The following DCAF12 variants were observed in gnomAD, a reference collection of about 807,000 sequenced individuals.
The protein encoded by DCAF12 is DDB1 and CUL4 associated factor 12, also known as DDB1- and CUL4-associated factor 12.
In DCAF12, 28 loss-of-function variants were observed where a neutral mutation model predicts 52.8. The ratio of observed to expected loss-of-function variants is 0.53; its 90% CI spans 0.39 to 0.73. The LOEUF is 0.73. DCAF12 is among the 30% of genes least tolerant of loss of function. The pLI is 0.00. For synonymous variants in DCAF12, 196 were observed against 215.5 expected, an observed-to-expected ratio of 0.91 and a Z score of 0.79; for missense variants, 425 against 552.2, an observed-to-expected ratio of 0.77 and a Z score of 2.31.
At chr9:34,118,662 G>C (rs1413242462) in intron 2 of DCAF12, among the ~76,000 whole-genome samples, 3 of 152,232 alleles carry the variant, frequency 2.0e-5, no homozygotes, top group East Asian at 1.9e-4. Context: ...CTTAACAATA[G>C]TGTTAAATAA....
chr9:34,091,786 T>C (rs976882106), intron 7 of DCAF12, among the ~76,000 whole-genome samples: 1 of 151,908 alleles, frequency 6.6e-6, no homozygotes, highest in South Asian at 2.1e-4. Flanking sequence ...AACACAGCCA[T>C]ATTTTTGCAT....
chr9:34,089,613 G>C, intron 7 of DCAF12, 23 bp from the exon 8 acceptor site: 2 of 1,583,170 alleles, frequency 1.3e-6, no homozygotes, highest in South Asian at 2.3e-5. Flanking sequence ...AAAGTAAAAG[G>C]CAGTGAGGCG....
At chr9:34,122,776 C>T (rs955530695) in intron 2 of DCAF12, among the ~76,000 whole-genome samples, 2 of 152,164 alleles carry the variant, frequency 1.3e-5, no homozygotes, top group Non-Finnish European at 2.9e-5. Flanking sequence ...CCTTGCCCTG[C>T]GAAAGAAAAT....
Position 34,088,335 on chromosome 9 carries a change from TTTGGGGA to T in DCAF12, c.*8_*14del. 1 of 1,535,944 alleles carries T rather than the reference TTTGGGGA, an allele frequency of 6.5e-7. No homozygotes were observed. Among genetic ancestry groups the T allele is most frequent in the Non-Finnish European group, 8.7e-7 (1 of 1,146,348 alleles). ...ATGGAAGTTAGTGTAAATCTCTGCA[TTTGGGGA>T]GTTGTCATTAACTCCAGAGCCCAGC... On this transcript the variant is annotated 3_prime_UTR_variant, in exon 9 of 9. Coordinates refer to ENST00000361264, the MANE Select transcript of DCAF12 (RefSeq NM_015397.4).
At chr9:34,113,020 G>T (rs1829029265) in intron 2 of DCAF12, among the ~76,000 whole-genome samples, 1 of 152,136 alleles carries the variant, frequency 6.6e-6, no homozygotes, top group African/African-American at 2.4e-5. Context: ...ACCATAACAT[G>T]TAGCTTTTAG....
intron 2 of DCAF12, among the ~76,000 whole-genome samples, chr9:34,108,700 C>T (rs888295410): frequency 2.6e-5 from 4 of 151,460 alleles, no homozygotes; most frequent in Non-Finnish European, 2.9e-5. Flanking sequence ...GCAGAAGAAT[C>T]GCTTGAACCG....
Position 34,087,420 on chromosome 9 carries a change from A to T in DCAF12, c.*930T>A, listed in dbSNP as rs1042446985. On this transcript the variant is annotated 3_prime_UTR_variant, in exon 9 of 9. Transcript: ENST00000361264. ...AGACTCCCAGCTCCAGGCCCCTTAA[A>T]ACCAGATCAGGTCTTGAGGGGAAGG... 3 of 152,214 alleles carry T rather than the reference A, an allele frequency of 2.0e-5. No individual in the cohort carries two copies. The highest frequency in any genetic ancestry group is 2.9e-5 in the Non-Finnish European group (2 of 68,060). The allele number at this position is 152,214 out of a possible 1,614,324, so 9.4% of individuals were successfully genotyped here. A position where few individuals can be genotyped will look rare whatever the true frequency, so the allele number is the denominator to read the frequency against.
At chr9:34,105,701 T>C (rs1828893714) in intron 4 of DCAF12, among the ~76,000 whole-genome samples, 1 of 151,804 alleles carries the variant, frequency 6.6e-6, no homozygotes, top group Non-Finnish European at 1.5e-5. Context: ...ATAGAGATCT[T>C]GTGGGTGGTC....
At chr9:34,125,400 A>G (rs1829233647) in intron 1 of DCAF12, 123 bp from the exon 2 acceptor site, 1 of 1,095,136 alleles carries the variant, frequency 9.1e-7, no homozygotes, top group Non-Finnish European at 1.3e-6. Flanking sequence ...ACAAATACAA[A>G]CACAAGAGAA....
chr9:34,115,096 C>G (rs1251004040), intron 2 of DCAF12, among the ~76,000 whole-genome samples: 3 of 152,068 alleles, frequency 2.0e-5, no homozygotes, highest in Non-Finnish European at 2.9e-5. Context: ...ACACAGACAA[C>G]AAGACACACT....
At chr9:34,117,038 A>C (rs548932282) in intron 2 of DCAF12, among the ~76,000 whole-genome samples, 1 of 152,308 alleles carries the variant, frequency 6.6e-6, no homozygotes, top group Non-Finnish European at 1.5e-5. Context: ...AGACACTCTG[A>C]GCTGTGAATC....
intron 2 of DCAF12, 110 bp downstream of exon 2, chr9:34,124,913 G>A: frequency 7.2e-7 from 1 of 1,382,212 alleles, no homozygotes; most frequent in South Asian, 1.4e-5. Flanking sequence ...AGGAGAGTAA[G>A]GCAAGTCCCT....
chr9:34,126,264 G>A, intron 1 of DCAF12, 90 bp downstream of exon 1: 1 of 1,505,432 alleles, frequency 6.6e-7, no homozygotes. Context: ...GCAGACCCTG[G>A]ACCCCGATTC....
intron 2 of DCAF12, chr9:34,109,046 T>C (rs892485287): frequency 6.6e-6 from 1 of 150,514 alleles, no homozygotes. Flanking sequence ...CATTGGAGTG[T>C]CTTTAGAGCT....
intron 2 of DCAF12, among the ~76,000 whole-genome samples, chr9:34,120,330 T>C (rs1378904147): frequency 1.3e-5 from 2 of 149,354 alleles, no homozygotes; most frequent in African/African-American, 5.0e-5. Context: ...CAGTGAGCCA[T>C]GACTGCACCA....
intron 2 of DCAF12, among the ~76,000 whole-genome samples, chr9:34,107,873 GACC>G (rs1247650119): frequency 6.6e-6 from 1 of 152,176 alleles, no homozygotes; most frequent in Non-Finnish European, 1.5e-5. Context: ...CAAAGAGGAA[GACC>G]AACACAGTTT....
At position 34,098,493 on chromosome 9, in the gene DCAF12, A is replaced by ATGTCAT; in HGVS notation, c.625_626insATGACA (p.Leu209delinsHisAspIle). 1 of 1,613,966 alleles carries ATGTCAT rather than the reference A, an allele frequency of 6.2e-7. No individual in the cohort carries two copies. The highest frequency in any genetic ancestry group is 8.5e-7 in the Non-Finnish European group (1 of 1,179,974). On this transcript the variant is annotated protein_altering_variant, in exon 5 of 9. Coordinates refer to ENST00000361264, the MANE Select transcript of DCAF12 (RefSeq NM_015397.4). Reference sequence around the variant, plus strand: ...CAAAACATCATCTGTCACCTCCCAGAGTCCCATAGAACCATCACGTGAGCC... The same window carrying ATGTCAT: ...CAAAACATCATCTGTCACCTCCCAGATGTCATGTCCCATAGAACCATCACGTGAGCC...
At chr9:34,095,712 G>C (rs915130150) in intron 6 of DCAF12, 2 of 152,004 alleles carry the variant, frequency 1.3e-5, no homozygotes, top group African/African-American at 4.8e-5. Flanking sequence ...TTCTGGATTA[G>C]GGATGACCAA....
chr9:34,100,716 T>C (rs911218189), intron 4 of DCAF12, among the ~76,000 whole-genome samples: 13 of 151,762 alleles, frequency 8.6e-5, no homozygotes, highest in Admixed American at 6.6e-4. Flanking sequence ...CCCAGCATTG[T>C]CTTAAACACC....
Sources: gnomAD v4.1 joint callset for allele counts (sites outside exome capture counted in the v4.1 genomes callset) on GRCh38, gnomAD v4.1.1 for gene constraint, MANE v1.5 for transcripts, NCBI Gene and HGNC (gene_info 2026-07-23, HGNC 2026-07-21) for gene names.